The following ACACA variants were observed in gnomAD, a reference collection of about 807,000 sequenced individuals.
ACACA encodes acetyl-CoA carboxylase alpha, also known as acetyl-CoA carboxylase 1.
In ACACA, 103 loss-of-function variants were observed where a neutral mutation model predicts 296.1. The observed-to-expected ratio is 0.35, with a 90% confidence interval of 0.30 to 0.41. The LOEUF (loss-of-function observed/expected upper bound fraction) is 0.41. Among genes scored for constraint, ACACA ranks in the 10% least tolerant of loss-of-function variants. The pLI is 1.00. For synonymous variants in ACACA, 953 were observed against 1,038.6 expected (o/e 0.92, Z 1.58); for missense variants, 1,554 against 2,989.7 (o/e 0.52, Z 11.20).
At chr17:37,261,977 G>A (rs974530274) in intron 11 of ACACA, among the ~76,000 whole-genome samples, 2 of 152,030 alleles carry the variant, frequency 1.3e-5, no homozygotes, top group Non-Finnish European at 2.9e-5. Flanking sequence ...TAATGGAGAA[G>A]AATATACATC....
At chr17:37,376,362 G>T (rs1296999935) in intron 1 of ACACA, among the ~76,000 whole-genome samples, 1 of 152,248 alleles carries the variant, frequency 6.6e-6, no homozygotes, top group African/African-American at 2.4e-5. Flanking sequence ...GGTCTTCAGA[G>T]AATGTGATGC....
Position 37,251,987 on chromosome 17 carries a change from A to G in ACACA, c.2081+18T>C. On this transcript the variant is annotated intron_variant, in intron 16 of 55. Transcript: ENST00000616317. ...GACCATTGATTAGTTTGTGTAGCCTACAAGAAACAAAGCCTACCTTTCTAA... is the reference window on the plus strand; with the variant it reads ...GACCATTGATTAGTTTGTGTAGCCTGCAAGAAACAAAGCCTACCTTTCTAA... The G allele has an allele frequency of 6.2e-7, 1 of 1,606,918 alleles. No homozygotes were observed. The highest frequency in any genetic ancestry group is 8.5e-7 in the Non-Finnish European group (1 of 1,173,440).
chr17:37,142,841 G>A (rs889851763), intron 45 of ACACA, among the ~76,000 whole-genome samples: 1 of 152,192 alleles, frequency 6.6e-6, no homozygotes, highest in Non-Finnish European at 1.5e-5. Context: ...TGAATGTACT[G>A]CCACAGTGAG....
In ACACA at chr17:37,192,316, G is replaced by C. The variant is rs2077791670; in HGVS notation, c.4201-11C>G. 1.2e-6 allele frequency: 2 copies of C among 1,612,498 alleles called. No individual in the cohort carries two copies. The highest frequency in any genetic ancestry group is 2.7e-5 in the African/African-American group (2 of 75,002). On this transcript the variant is annotated splice_polypyrimidine_tract_variant and intron_variant, in intron 36 of 55. Coordinates refer to ENST00000616317, the MANE Select transcript of ACACA (RefSeq NM_198834.3). ...ACGATCCTCCTCAAACTGAGTACAA[G>C]AATCAGAGAAAAAACAGCTCACAAG...
chr17:37,279,154 A>G (rs2082395184), intron 5 of ACACA, among the ~76,000 whole-genome samples: 1 of 152,174 alleles, frequency 6.6e-6, no homozygotes. Flanking sequence ...CAGAATGGTG[A>G]TTATCTTGTT....
At chr17:37,138,449 G>T in intron 45 of ACACA, among the ~76,000 whole-genome samples, 1 of 152,328 alleles carries the variant, frequency 6.6e-6, no homozygotes, top group African/African-American at 2.4e-5. Context: ...ATTTATGAGT[G>T]TTAAGGGGGA....
At chr17:37,377,752 T>C in intron 1 of ACACA, 1 of 562,374 alleles carries the variant, frequency 1.8e-6, no homozygotes. Context: ...TTGCAAGTTT[T>C]ATGAGCAGGA....
intron 25 of ACACA, 94 bp downstream of exon 25, chr17:37,234,881 T>C: frequency 1.5e-6 from 2 of 1,375,464 alleles, no homozygotes; most frequent in Non-Finnish European, 2.1e-6. Flanking sequence ...TAAAAGGCAG[T>C]AGTTTTTTTT....
chr17:37,402,152 T>G (rs1356967459), intron 1 of ACACA, among the ~76,000 whole-genome samples: 1 of 152,196 alleles, frequency 6.6e-6, no homozygotes, highest in Admixed American at 6.6e-5. Context: ...GGTGTTTTTT[T>G]GGGTTCCTTT....
At chr17:37,334,464 C>T (rs1003700379) in intron 2 of ACACA, among the ~76,000 whole-genome samples, 1 of 152,072 alleles carries the variant, frequency 6.6e-6, no homozygotes, top group Non-Finnish European at 1.5e-5. Context: ...GGAAACTACC[C>T]AGCCATTTTA....
intron 1 of ACACA, among the ~76,000 whole-genome samples, chr17:37,378,181 GAGA>G (rs1318726337): frequency 2.0e-5 from 3 of 152,114 alleles, no homozygotes; most frequent in East Asian, 1.9e-4. Flanking sequence ...GATGAAAAAA[GAGA>G]AGGAGGCAGA....
At chr17:37,229,793 G>C (rs1360380446) in intron 25 of ACACA, among the ~76,000 whole-genome samples, 2 of 152,036 alleles carry the variant, frequency 1.3e-5, no homozygotes, top group African/African-American at 4.8e-5. Context: ...ATGTGGGCCA[G>C]GCGTGGTGGC....
At chr17:37,289,528 T>C in intron 3 of ACACA, 1 of 1,348,562 alleles carries the variant, frequency 7.4e-7, no homozygotes, top group South Asian at 1.1e-5. Flanking sequence ...TATTTCAAAG[T>C]CTGAGGATAC....
chr17:37,299,141 C>T, intron 3 of ACACA: 2 of 876,356 alleles, frequency 2.3e-6, no homozygotes, highest in South Asian at 3.6e-5. Flanking sequence ...CATTTTTATT[C>T]ATTTTCTTAA....
chr17:37,285,326 A>G (rs960182914), intron 3 of ACACA, among the ~76,000 whole-genome samples: 1 of 152,084 alleles, frequency 6.6e-6, no homozygotes. Context: ...GATGACCTTC[A>G]CCTCTGTATC....
chr17:37,225,910 C>T (rs2079523053), intron 26 of ACACA, among the ~76,000 whole-genome samples: 1 of 152,208 alleles, frequency 6.6e-6, no homozygotes, highest in African/African-American at 2.4e-5. Context: ...CTGATTGCTG[C>T]CGCCTAAGAT....
intron 43 of ACACA, among the ~76,000 whole-genome samples, chr17:37,152,167 A>C (rs2076073179): frequency 6.6e-6 from 1 of 152,210 alleles, no homozygotes; most frequent in East Asian, 1.9e-4. Context: ...AACTTCTACA[A>C]AATGGGAATA....
intron 45 of ACACA, among the ~76,000 whole-genome samples, chr17:37,135,015 G>A (rs1256794548): frequency 6.6e-6 from 1 of 152,300 alleles, no homozygotes; most frequent in Admixed American, 6.5e-5. Context: ...GAGGAAAAGG[G>A]AGGGGGAGAG....
rs1426732878 is a variant in ACACA, at chr17:37,150,123, A to C, written c.5569-149T>G. 4.1e-6 allele frequency: 3 copies of C among 728,366 alleles called. No individual in the cohort carries two copies. The Admixed American group carries it at 7.3e-5, about 18-fold the overall frequency. 45.1% of individuals were successfully genotyped at this position (728,366 alleles called of 1,614,324 possible). The stretch of plus-strand genomic sequence containing the variant: ...TGATTGACAACAACACACACACACA[A>C]ATTTCATGGTCAAAGAAAAGAAAAT... On this transcript the variant is annotated intron_variant, in intron 44 of 55. Coordinates refer to ENST00000616317, the MANE Select transcript of ACACA (RefSeq NM_198834.3).
Sources: allele counts gnomAD v4.1 joint callset (sites outside exome capture counted in the v4.1 genomes callset), GRCh38; gene constraint gnomAD v4.1.1; transcripts MANE v1.5; gene names NCBI Gene and HGNC (gene_info 2026-07-23, HGNC 2026-07-21).